BMP6: variants seen among roughly 807,000 people sequenced by gnomAD.
The protein encoded by BMP6 is bone morphogenetic protein 6, also known as VG-1-R.
BMP6 carries 17 observed loss-of-function variants against 54.1 expected under a neutral mutation model. That is an observed-to-expected ratio of 0.31 (90% CI 0.22 to 0.47). The LOEUF (loss-of-function observed/expected upper bound fraction) is 0.47, where lower values mean the gene tolerates loss of function less well. Among genes scored for constraint, BMP6 ranks in the 20% least tolerant of loss-of-function variants. The pLI is 1.00. For missense variants in BMP6, 720 were observed against 690.4 expected, an observed-to-expected ratio of 1.04 and a Z score of -0.48; for synonymous variants, 328 against 291.2, an observed-to-expected ratio of 1.13 and a Z score of -1.28.
intron 4 of BMP6, among the ~76,000 whole-genome samples, chr6:7,866,226 G>A (rs531093466): frequency 6.6e-5 from 10 of 152,326 alleles, no homozygotes; most frequent in African/African-American, 2.4e-4. Flanking sequence ...GCCTCTGCAT[G>A]GTATCATTTA....
chr6:7,787,182 T>G (rs1176687905), intron 1 of BMP6, among the ~76,000 whole-genome samples: 1 of 152,190 alleles, frequency 6.6e-6, no homozygotes, highest in Non-Finnish European at 1.5e-5. Flanking sequence ...CTTGAATAAC[T>G]AAGTGTTGAT....
intron 4 of BMP6, among the ~76,000 whole-genome samples, chr6:7,870,488 C>T (rs756520770): frequency 1.1e-4 from 16 of 152,250 alleles, no homozygotes; most frequent in Non-Finnish European, 2.1e-4. Flanking sequence ...TGGGACCTCT[C>T]TGCCCAACTC....
intron 1 of BMP6, among the ~76,000 whole-genome samples, chr6:7,774,900 G>GT (rs1189304503): frequency 3.3e-5 from 5 of 152,174 alleles, no homozygotes. Flanking sequence ...ACCATCATCT[G>GT]TTTGGCATCT....
intron 1 of BMP6, among the ~76,000 whole-genome samples, chr6:7,799,842 C>T (rs1346094825): frequency 2.0e-5 from 3 of 151,970 alleles, no homozygotes; most frequent in South Asian, 4.2e-4. Context: ...CTCTCATTCA[C>T]AGTTGAGCCT....
intron 2 of BMP6, among the ~76,000 whole-genome samples, chr6:7,853,084 C>T (rs112776851): frequency 0.03 from 4,631 of 152,242 alleles, 92 homozygotes; most frequent in Middle Eastern, 0.075. Context: ...ATCAAATGCC[C>T]TGAAAGGAAA....
intron 1 of BMP6, among the ~76,000 whole-genome samples, chr6:7,837,010 A>C (rs867779922): frequency 6.6e-6 from 1 of 152,266 alleles, no homozygotes. Flanking sequence ...TTTGGTGTGT[A>C]ACTGTAAATG....
In BMP6 at chr6:7,845,121, C is replaced by G; in HGVS notation, c.665-19C>G. On this transcript the variant is annotated intron_variant, in intron 1 of 6. Transcript: ENST00000283147. ...GTCAAGTAACAATAGTTGTCACTCT[C>G]TCTTGTTTAATCTTATAGTGGAGTA... 1 of 1,602,374 alleles carries G rather than the reference C, an allele frequency of 6.2e-7. No homozygotes were observed. Among genetic ancestry groups the G allele is most frequent in the Non-Finnish European group, 8.5e-7 (1 of 1,172,274 alleles).
At chr6:7,809,938 C>T (rs1013404711) in intron 1 of BMP6, among the ~76,000 whole-genome samples, 7 of 95,024 alleles carry the variant, frequency 7.4e-5, no homozygotes, top group African/African-American at 2.5e-4. Context: ...ATCTCTTGTA[C>T]AAAGAGACCA....
At chr6:7,769,854 C>T (rs1161208400) in intron 1 of BMP6, among the ~76,000 whole-genome samples, 1 of 152,122 alleles carries the variant, frequency 6.6e-6, no homozygotes, top group African/African-American at 2.4e-5. Flanking sequence ...TGTCTAGAAC[C>T]TTGTCAAATA....
At chr6:7,830,481 G>T (rs1383527913) in intron 1 of BMP6, among the ~76,000 whole-genome samples, 2 of 152,132 alleles carry the variant, frequency 1.3e-5, no homozygotes, top group Non-Finnish European at 2.9e-5. Context: ...TGTGTTTGGG[G>T]TGGGCCGTAA....
rs112131839 is a variant in BMP6, at chr6:7,829,715, T to C, written c.665-15425T>C. On this transcript the variant is annotated intron_variant, in intron 1 of 6. Transcript: ENST00000283147. ...AGGGAGACACTGTCTCAAATAAAAA[T>C]GCACCATCTGGTGCCATGTAGCACT... Among the ~76,000 whole-genome samples, 823 of 152,142 alleles carry C rather than the reference T, an allele frequency of 5.4e-3. 7 individuals are homozygous for C. The highest frequency in any genetic ancestry group is 0.019 in the African/African-American group (777 of 41,512).
In BMP6 at chr6:7,782,218, T is replaced by C. The variant is rs766272891; in HGVS notation, c.664+54599T>C. 3.5e-4 allele frequency among the ~76,000 whole-genome samples: 50 copies of C among 143,048 alleles called. 3 individuals are homozygous for C. The highest frequency in any genetic ancestry group is 5.0e-4 in the Non-Finnish European group (31 of 61,420). 93.8% of individuals were successfully genotyped at this position (143,048 alleles called of 152,430 possible). On this transcript the variant is annotated intron_variant, in intron 1 of 6. Coordinates refer to ENST00000283147, the MANE Select transcript of BMP6 (RefSeq NM_001718.6). ...CCAACCTGGAAGGGAGGGTACCTTC[T>C]TCATTGAGATAGGGAACTCTAGGAA...
At chr6:7,813,642 C>CAAA (rs70982109) in intron 1 of BMP6, among the ~76,000 whole-genome samples, 1 of 4,974 alleles carries the variant, frequency 2.0e-4, no homozygotes, top group Non-Finnish European at 3.5e-4. Flanking sequence ...GACCCTGTCT[C>CAAA]AAAAAAAAAA....
At chr6:7,737,091 C>T (rs1761966364) in intron 1 of BMP6, among the ~76,000 whole-genome samples, 1 of 151,890 alleles carries the variant, frequency 6.6e-6, no homozygotes. Flanking sequence ...GAGGCTGAAG[C>T]AGGAGAATCG....
intron 1 of BMP6, among the ~76,000 whole-genome samples, chr6:7,798,136 A>G (rs1758217851): frequency 6.6e-6 from 1 of 152,206 alleles, no homozygotes; most frequent in Non-Finnish European, 1.5e-5. Flanking sequence ...AAGGAGACCA[A>G]GTCTTGGATT....
intron 1 of BMP6, among the ~76,000 whole-genome samples, chr6:7,763,952 C>T (rs1026168875): frequency 3.9e-5 from 6 of 152,132 alleles, no homozygotes; most frequent in Admixed American, 6.5e-5. Flanking sequence ...TTGGATCAAG[C>T]GTATGTGTCC....
chr6:7,727,402 G>T lies in BMP6; in HGVS notation c.447G>T (p.Glu149Asp), dbSNP rs1432459935. 3.1e-6 allele frequency: 5 copies of T among 1,607,100 alleles called. No homozygotes were observed. The African/African-American group carries it at 6.7e-5, about 22-fold the overall frequency. Residue 149 changes from glutamate to aspartate, a missense_variant, in exon 1 of 7, where the codon GAG (glutamate) becomes GAT (aspartate). By Grantham distance (45) the Glu-to-Asp change is conservative (BLOSUM62 2). Coordinates refer to ENST00000283147, the MANE Select transcript of BMP6 (RefSeq NM_001718.6). The part of the protein sequence containing the change: ...LYNALSADND[E>D]DGASEGERQQ... Reference sequence around the variant, plus strand: ...ACGCCCTGTCCGCCGACAACGACGAGGACGGGGCGTCGGAGGGGGAGAGGC... The same window carrying T: ...ACGCCCTGTCCGCCGACAACGACGATGACGGGGCGTCGGAGGGGGAGAGGC...
chr6:7,818,479 G>C (rs1050461837), intron 1 of BMP6, among the ~76,000 whole-genome samples: 1 of 152,254 alleles, frequency 6.6e-6, no homozygotes, highest in African/African-American at 2.4e-5. Flanking sequence ...GCTAGCAGCT[G>C]TAGGCAGTAA....
rs1759434443 is a variant in BMP6, at chr6:7,867,005, G to A, written c.1204+4507G>A. 6.6e-5 allele frequency among the ~76,000 whole-genome samples: 10 copies of A among 152,178 alleles called. 1 individual carries two copies. In the South Asian group the frequency reaches 2.1e-3, roughly 32 times the overall value. ...CCTGCCTCAGCCTCCCAAGTAGCTG[G>A]GATCACAGGCATGCACCACTACTCC... On this transcript the variant is annotated intron_variant, in intron 4 of 6. Coordinates refer to ENST00000283147, the MANE Select transcript of BMP6 (RefSeq NM_001718.6).
Sources: gnomAD v4.1 joint callset for allele counts (sites outside exome capture counted in the v4.1 genomes callset) on GRCh38, gnomAD v4.1.1 for gene constraint, MANE v1.5 for transcripts, NCBI Gene and HGNC (gene_info 2026-07-23, HGNC 2026-07-21) for gene names.